Variants in TP63 observed in about 807,000 individuals in gnomAD.
TP63 encodes the protein tumor protein p63, also known as tumor protein 63.
TP63 carries 17 observed loss-of-function variants against 82.8 expected under a neutral mutation model. The ratio of observed to expected loss-of-function variants is 0.21; its 90% CI spans 0.14 to 0.31. The LOEUF (loss-of-function observed/expected upper bound fraction) is 0.31. Ranked by LOEUF, TP63 falls within the 10% of genes least tolerant of loss-of-function variation. TP63 has a pLI of 1.00. For missense variants in TP63, 648 were observed against 895.3 expected, an observed-to-expected ratio of 0.72 and a Z score of 3.52; for synonymous variants, 330 against 321.7, an observed-to-expected ratio of 1.03 and a Z score of -0.28.
chr3:189,894,244 T>C lies in TP63; in HGVS notation c.1785T>C (p.His595=). The change falls in exon 14 of 14, where the codon CAT becomes CAC. Residue 595 remains histidine (H), a synonymous_variant. Transcript: ENST00000264731. ...TGAAAATCCCTGAGCAATTTCGACA[T>C]GCGATCTGGAAGGGCATCCTGGACC... ...ASLKIPEQFR[H]AIWKGILDHR... 6.2e-7 allele frequency: 1 copy of C among 1,614,064 alleles called. No individual in the cohort carries two copies. The highest frequency in any genetic ancestry group is 1.3e-5 in the African/African-American group (1 of 75,014).
intron 4 of TP63, among the ~76,000 whole-genome samples, chr3:189,862,430 C>T (rs1377018221): frequency 6.6e-6 from 1 of 152,014 alleles, no homozygotes; most frequent in Non-Finnish European, 1.5e-5. Flanking sequence ...TGTACTCTCT[C>T]GAGCTTGATT....
intron 5 of TP63, among the ~76,000 whole-genome samples, chr3:189,864,999 TC>T (rs1717530096): frequency 6.7e-6 from 1 of 149,772 alleles, no homozygotes; most frequent in African/African-American, 2.5e-5. Context: ...AGAGCGAGAC[TC>T]CATCTCAAAA....
rs147236600 is a variant in TP63, at chr3:189,650,501, C to A, written c.62+18924C>A. On this transcript the variant is annotated intron_variant, in intron 1 of 13. Transcript: ENST00000264731. Reference sequence around the variant, plus strand: ...TGGGGGCAGTTTCCCCCATCCTGTTCTCATGATAGTGAGTTCTTATGAGAT... The same window carrying A: ...TGGGGGCAGTTTCCCCCATCCTGTTATCATGATAGTGAGTTCTTATGAGAT... Among the ~76,000 whole-genome samples, 873 of 146,206 alleles carry A rather than the reference C, an allele frequency of 6.0e-3. 111 individuals carry two copies. The highest frequency in any genetic ancestry group is 0.021 in the African/African-American group (801 of 38,930).
chr3:189,727,189 CAAT>C (rs1719834898), intron 1 of TP63, among the ~76,000 whole-genome samples: 1 of 152,192 alleles, frequency 6.6e-6, no homozygotes, highest in Admixed American at 6.5e-5. Flanking sequence ...AAATCAAACC[CAAT>C]CACTTACATG....
At chr3:189,739,360 C>T (rs1190840582) in intron 3 of TP63, among the ~76,000 whole-genome samples, 1 of 152,280 alleles carries the variant, frequency 6.6e-6, no homozygotes, top group Middle Eastern at 3.4e-3. Flanking sequence ...CTGTGATCTG[C>T]CCACCTCAGC....
chr3:189,875,272 T>C (rs2108824836), intron 10 of TP63, among the ~76,000 whole-genome samples: 1 of 151,872 alleles, frequency 6.6e-6, no homozygotes, highest in South Asian at 2.1e-4. Context: ...TTCCTCCCCC[T>C]ATTAAAAACT....
intron 3 of TP63, among the ~76,000 whole-genome samples, chr3:189,757,066 T>C (rs1489423344): frequency 6.6e-6 from 1 of 152,216 alleles, no homozygotes; most frequent in African/African-American, 2.4e-5. Context: ...TACATATATA[T>C]ATAGTTTCAA....
chr3:189,854,375 C>A (rs1401893771), intron 4 of TP63, among the ~76,000 whole-genome samples: 4 of 152,100 alleles, frequency 2.6e-5, no homozygotes, highest in Non-Finnish European at 5.9e-5. Flanking sequence ...GGATTACAGA[C>A]ATGTGCCACC....
At chr3:189,816,348 G>A (rs546821552) in intron 4 of TP63, among the ~76,000 whole-genome samples, 5 of 152,218 alleles carry the variant, frequency 3.3e-5, no homozygotes, top group African/African-American at 1.2e-4. Flanking sequence ...TGGGATTGTC[G>A]CTCTTGGTAC....
rs766656293 is a variant in TP63, at chr3:189,635,686, AG to A, written c.62+4111del. 1.1e-3 allele frequency among the ~76,000 whole-genome samples: 167 copies of A among 152,096 alleles called. 1 individual carries two copies. The highest frequency in any genetic ancestry group is 2.1e-3 in the Non-Finnish European group (143 of 67,970). On this transcript the variant is annotated intron_variant, in intron 1 of 13. Transcript: ENST00000264731. The stretch of plus-strand genomic sequence containing the variant: ...CCCCTTCCTTTTCTTCAAGCTTAGG[AG>A]GAGTAACCATTTCCCGCCATTGCTA...
chr3:189,713,163 C>T (rs763381631), intron 1 of TP63, among the ~76,000 whole-genome samples: 10 of 152,152 alleles, frequency 6.6e-5, no homozygotes, highest in Non-Finnish European at 7.4e-5. Context: ...ACTTCATCTC[C>T]ATTTGTACCC....
chr3:189,744,036 A>G (rs917494860), intron 3 of TP63, among the ~76,000 whole-genome samples: 7 of 152,180 alleles, frequency 4.6e-5, no homozygotes, highest in African/African-American at 1.4e-4. Flanking sequence ...CACCATTTCA[A>G]AAACCCAGCC....
chr3:189,851,641 TAAGGTAAGGAGGG>T (rs1715646654), intron 4 of TP63, among the ~76,000 whole-genome samples: 1 of 152,036 alleles, frequency 6.6e-6, no homozygotes, highest in African/African-American at 2.4e-5. Context: ...GACACTTTTA[TAAGGTAAGGAGGG>T]AAGTGAACAA....
rs143444018 is a variant in TP63 at position 189,879,959 on chromosome 3, T to C, written c.1350-6435T>C. On this transcript the variant is annotated intron_variant, in intron 10 of 13. Transcript: ENST00000264731. Reference sequence around the variant, plus strand: ...CTTTTCAGGCACTCTATTCTGTCTATACTATGATCATGAAGGTATAAGGAG... The same window carrying C: ...CTTTTCAGGCACTCTATTCTGTCTACACTATGATCATGAAGGTATAAGGAG... The C allele has an allele frequency of 4.1e-4, 602 of 1,463,526 alleles. 2 individuals carry two copies. The African/African-American group carries it at 7.4e-3, about 18-fold the overall frequency. The allele number at this position is 1,463,526 out of a possible 1,614,324, so 90.7% of individuals were successfully genotyped here. A position where few individuals can be genotyped will look rare whatever the true frequency, so the allele number is the denominator to read the frequency against.
At chr3:189,735,768 G>C (rs1290534522) in intron 1 of TP63, among the ~76,000 whole-genome samples, 1 of 152,098 alleles carries the variant, frequency 6.6e-6, no homozygotes, top group African/African-American at 2.4e-5. Context: ...GACTGTGTCT[G>C]TCTCATGAAT....
chr3:189,810,064 G>A (rs539898324), intron 4 of TP63, among the ~76,000 whole-genome samples: 7 of 152,120 alleles, frequency 4.6e-5, no homozygotes, highest in Middle Eastern at 3.4e-3. Flanking sequence ...GTAATTCTCC[G>A]GTGGCTCATA....
At chr3:189,730,970 T>C (rs1015723104) in intron 1 of TP63, among the ~76,000 whole-genome samples, 1 of 152,228 alleles carries the variant, frequency 6.6e-6, no homozygotes, top group African/African-American at 2.4e-5. Context: ...GTGGAAACTG[T>C]TAAAAGAAGT....
chr3:189,870,325 TA>T (rs886124157), intron 9 of TP63, among the ~76,000 whole-genome samples: 15 of 152,014 alleles, frequency 9.9e-5, no homozygotes, highest in Admixed American at 3.9e-4. Context: ...AAAAAAACAA[TA>T]AAAAAATACA....
At chr3:189,731,025 AT>A (rs542547685) in intron 1 of TP63, among the ~76,000 whole-genome samples, 1 of 151,616 alleles carries the variant, frequency 6.6e-6, no homozygotes, top group Non-Finnish European at 1.5e-5. Context: ...CTGATGCACA[AT>A]TTTTTTTCTT....
Sources: allele counts gnomAD v4.1 joint callset (sites outside exome capture counted in the v4.1 genomes callset), GRCh38; gene constraint gnomAD v4.1.1; transcripts MANE v1.5; gene names NCBI Gene and HGNC (gene_info 2026-07-23, HGNC 2026-07-21).